Variants in NBAS observed in about 807,000 individuals in gnomAD.
NBAS encodes the protein NAG/BC035112 fusion.
NBAS carries 219 observed loss-of-function variants against 302.5 expected under a neutral mutation model. That is an observed-to-expected ratio of 0.72 (90% CI 0.65 to 0.81). The LOEUF is 0.81. Among genes scored for constraint, NBAS ranks in the 30% least tolerant of loss-of-function variants. The pLI, the probability that NBAS is intolerant of heterozygous loss-of-function variation, is 0.00. For missense variants in NBAS, 2,932 were observed against 2,841.6 expected, an observed-to-expected ratio of 1.03 and a Z score of -0.72; for synonymous variants, 1,118 against 1,021.6, an observed-to-expected ratio of 1.09 and a Z score of -1.80.
intron 48 of NBAS, among the ~76,000 whole-genome samples, chr2:15,202,178 C>T (rs995139549): frequency 6.6e-6 from 1 of 152,188 alleles, no homozygotes; most frequent in Non-Finnish European, 1.5e-5. Flanking sequence ...GCAGCCTACA[C>T]ATCCGTGGGT....
the NBAS span, among the ~76,000 whole-genome samples, chr2:14,944,931 C>T: frequency 1.3e-5 from 2 of 152,148 alleles, no homozygotes; most frequent in African/African-American, 2.4e-5. Flanking sequence ...ACACTTGCCT[C>T]TGCCGTAATG....
chr2:15,346,916 C>T (rs1673117733), intron 35 of NBAS, among the ~76,000 whole-genome samples: 1 of 152,148 alleles, frequency 6.6e-6, no homozygotes, highest in Non-Finnish European at 1.5e-5. Flanking sequence ...AAACAAAACA[C>T]CACATGTTCT....
chr2:14,968,740 C>A, the NBAS span, among the ~76,000 whole-genome samples: 3 of 152,172 alleles, frequency 2.0e-5, no homozygotes, highest in Admixed American at 1.3e-4. Context: ...TCTTATATTG[C>A]TATGACAATG....
chr2:15,464,234 C>G (rs1159038429), intron 19 of NBAS, among the ~76,000 whole-genome samples: 1 of 152,222 alleles, frequency 6.6e-6, no homozygotes, highest in East Asian at 1.9e-4. Flanking sequence ...TTCCTAGTCT[C>G]TGTTAGGAAC....
intron 21 of NBAS, among the ~76,000 whole-genome samples, chr2:15,445,055 T>C (rs1239075325): frequency 6.6e-6 from 1 of 151,450 alleles, no homozygotes; most frequent in East Asian, 1.9e-4. Flanking sequence ...ACACTGTTGG[T>C]GGGACTGTAA....
At chr2:14,812,356 T>C in the NBAS span, among the ~76,000 whole-genome samples, 2 of 152,112 alleles carry the variant, frequency 1.3e-5, no homozygotes, top group African/African-American at 4.8e-5. Flanking sequence ...GAAAGGGAAT[T>C]ATATAAGGAG....
chr2:15,462,338 C>T (rs772438687), intron 19 of NBAS, among the ~76,000 whole-genome samples: 2 of 152,166 alleles, frequency 1.3e-5, no homozygotes, highest in Non-Finnish European at 2.9e-5. Flanking sequence ...AGGGGAAATA[C>T]TCAGTAAGGT....
chr2:15,115,177 T>C, the NBAS span, among the ~76,000 whole-genome samples: 1 of 152,212 alleles, frequency 6.6e-6, no homozygotes, highest in Non-Finnish European at 1.5e-5. Context: ...GGGCTTCTGA[T>C]GAATAAATGA....
chr2:15,445,729 T>A (rs1322776008), intron 21 of NBAS, among the ~76,000 whole-genome samples: 2 of 152,010 alleles, frequency 1.3e-5, no homozygotes, highest in Admixed American at 1.3e-4. Context: ...AAATTCTTAA[T>A]GTCTGTTATC....
intron 41 of NBAS, among the ~76,000 whole-genome samples, chr2:15,287,784 T>A (rs1670116640): frequency 6.6e-6 from 1 of 151,370 alleles, no homozygotes. Context: ...CATCCCCGCA[T>A]AAACATCCTG....
chr2:14,961,008 C>T, the NBAS span, among the ~76,000 whole-genome samples: 4 of 152,094 alleles, frequency 2.6e-5, no homozygotes, highest in Admixed American at 2.0e-4. Flanking sequence ...CTCTGTGAGG[C>T]GGCCATCAAT....
chr2:15,330,909 C>T (rs1167673956), intron 35 of NBAS, 144 bp from the exon 36 acceptor site: 3 of 836,644 alleles, frequency 3.6e-6, no homozygotes, highest in East Asian at 5.5e-5. Flanking sequence ...TTGCTTGTAA[C>T]AAAATAAATG....
chr2:15,396,983 A>G (rs1234575732), intron 26 of NBAS, among the ~76,000 whole-genome samples: 2 of 152,214 alleles, frequency 1.3e-5, no homozygotes, highest in Admixed American at 6.5e-5. Context: ...AATCCCATCC[A>G]CTTCAACGTT....
chr2:15,254,028 T>A (rs553553948), intron 44 of NBAS, among the ~76,000 whole-genome samples: 19 of 152,246 alleles, frequency 1.2e-4, no homozygotes, highest in African/African-American at 4.1e-4. Context: ...TCCTAAGATG[T>A]AGACATAAGC....
chr2:15,115,360 T>A, the NBAS span, among the ~76,000 whole-genome samples: 3 of 152,234 alleles, frequency 2.0e-5, no homozygotes, highest in East Asian at 5.8e-4. Flanking sequence ...AATGTAAAAC[T>A]TAGATTTGAT....
the NBAS span, among the ~76,000 whole-genome samples, chr2:15,059,953 AAAAAAAAAAAC>A: frequency 4.7e-4 from 45 of 95,602 alleles, no homozygotes; most frequent in Non-Finnish European, 7.6e-4. Flanking sequence ...CTGCTAAAAA[AAAAAAAAAAAC>A]AAAAAAAAAA....
chr2:15,398,096 T>C (rs1675957778), intron 26 of NBAS, among the ~76,000 whole-genome samples: 1 of 151,720 alleles, frequency 6.6e-6, no homozygotes, highest in African/African-American at 2.4e-5. Flanking sequence ...CAGCCGTGTG[T>C]GTGTGTGTGT....
chr2:14,804,264 G>A, the NBAS span, among the ~76,000 whole-genome samples: 1 of 152,136 alleles, frequency 6.6e-6, no homozygotes, highest in Non-Finnish European at 1.5e-5. Context: ...AATCTATTTA[G>A]TGCTACATTT....
the NBAS span, among the ~76,000 whole-genome samples, chr2:14,786,257 C>G: frequency 1.0e-3 from 159 of 152,016 alleles, 1 homozygote; most frequent in Admixed American, 6.6e-3. Flanking sequence ...TTTTGTTGAT[C>G]CTTTCAAAAA....
Sources: gnomAD v4.1 joint callset for allele counts (sites outside exome capture counted in the v4.1 genomes callset) on GRCh38, gnomAD v4.1.1 for gene constraint, MANE v1.5 for transcripts, NCBI Gene and HGNC (gene_info 2026-07-23, HGNC 2026-07-21) for gene names.